MYLK3: variants seen among roughly 807,000 people sequenced by gnomAD.
The protein encoded by MYLK3 is MLC kinase.
Under a neutral mutation model 76.3 loss-of-function variants are expected in MYLK3, and 55 were observed. The ratio of observed to expected loss-of-function variants is 0.72; its 90% CI spans 0.58 to 0.90. The LOEUF (loss-of-function observed/expected upper bound fraction) is 0.90, where lower values mean the gene tolerates loss of function less well. Among genes scored for constraint, MYLK3 ranks in the 40% least tolerant of loss-of-function variants. The probability of loss-of-function intolerance (pLI) is 0.00; values close to 1 mark genes in which losing one functional copy is unlikely to be tolerated. For synonymous variants in MYLK3, 416 were observed against 425.4 expected (o/e 0.98, Z 0.27); for missense variants, 973 against 1,053.6 (o/e 0.92, Z 1.06).
chr16:46,724,260 T>C (rs192164366), intron 8 of MYLK3, among the ~76,000 whole-genome samples: 2 of 152,352 alleles, frequency 1.3e-5, no homozygotes, highest in East Asian at 3.9e-4. Context: ...GCTATTATTT[T>C]ACTTTTCTCA....
chr16:46,719,292 A>C (rs1044062751), intron 9 of MYLK3, among the ~76,000 whole-genome samples: 1 of 151,156 alleles, frequency 6.6e-6, no homozygotes. Context: ...GTGCCACTGC[A>C]CTCCAGCCTG....
intron 7 of MYLK3, among the ~76,000 whole-genome samples, 164 bp downstream of exon 7, chr16:46,728,860 G>A (rs570749022): frequency 6.6e-6 from 1 of 152,328 alleles, no homozygotes; most frequent in African/African-American, 2.4e-5. Flanking sequence ...TCCACATTCC[G>A]TATTGGAGGT....
chr16:46,721,265 G>GCT, intron 8 of MYLK3, 72 bp from the exon 9 acceptor site: 1 of 1,433,902 alleles, frequency 7.0e-7, no homozygotes, highest in Non-Finnish European at 9.8e-7. Context: ...CTTGTCTATA[G>GCT]GCCTCTGTTT....
At chr16:46,739,785 C>T (rs1348248519) in intron 2 of MYLK3, among the ~76,000 whole-genome samples, 3 of 152,138 alleles carry the variant, frequency 2.0e-5, no homozygotes, top group Non-Finnish European at 4.4e-5. Flanking sequence ...TTGGAAGATT[C>T]AAAAATTATA....
intron 1 of MYLK3, among the ~76,000 whole-genome samples, chr16:46,758,304 A>ACACACTCT (rs1567294867): frequency 2.3e-5 from 2 of 87,266 alleles, no homozygotes; most frequent in African/African-American, 9.4e-5. Context: ...ACACACACAC[A>ACACACTCT]CTCTCTCTCT....
At chr16:46,742,006 T>G (rs8046748) in intron 1 of MYLK3, among the ~76,000 whole-genome samples, 27,726 of 152,038 alleles carry the variant, frequency 0.18, 2,948 homozygotes, top group African/African-American at 0.28. Flanking sequence ...TTTTTCAATT[T>G]ATTCCCAACT....
At chr16:46,755,761 C>T (rs769354470) in intron 1 of MYLK3, among the ~76,000 whole-genome samples, 4 of 152,030 alleles carry the variant, frequency 2.6e-5, no homozygotes, top group Admixed American at 6.6e-5. Flanking sequence ...ATGGAGTGGT[C>T]GGGAGGTGCC....
chr16:46,747,692 C>A, intron 1 of MYLK3, 25 bp downstream of exon 1: 1 of 1,596,636 alleles, frequency 6.3e-7, no homozygotes, highest in Non-Finnish European at 8.6e-7. Flanking sequence ...TCCCATCCAG[C>A]CAGGGCAGGG....
rs748586528 is a variant in MYLK3 at position 46,727,395 on chromosome 16, G to A, written c.1773-18C>T. On this transcript the variant is annotated intron_variant, in intron 7 of 12. Transcript: ENST00000394809. ...CGTCCACGCTGCCAGAGCAAAGGGA[G>A]AGGCAGGCACCAGCCTAAGCAAGGC... 1.9e-6 allele frequency: 3 copies of A among 1,597,464 alleles called. No individual in the cohort carries two copies. Among genetic ancestry groups the A allele is most frequent in the Admixed American group, 1.7e-5 (1 of 59,634 alleles).
rs1270803345 is a variant in MYLK3 at position 46,737,707 on chromosome 16, T to C, written c.1001+4A>G. 6.3e-7 allele frequency: 1 copy of C among 1,590,538 alleles called. No individual in the cohort carries two copies. Among genetic ancestry groups the C allele is most frequent in the South Asian group, 1.1e-5 (1 of 89,716 alleles). On this transcript the variant is annotated splice_donor_region_variant and intron_variant, in intron 3 of 12. Coordinates refer to ENST00000394809, the MANE Select transcript of MYLK3 (RefSeq NM_182493.3). ...CTCACCCAGCCTGGAAGAGCTCCCC[T>C]TACCTTGGAGGTGTTTCTCCACCAC...
chr16:46,749,795 A>G (rs1239404036), upstream of MYLK3, among the ~76,000 whole-genome samples: 1 of 152,230 alleles, frequency 6.6e-6, no homozygotes, highest in Non-Finnish European at 1.5e-5. Flanking sequence ...CCATTAACCT[A>G]TCAATGCAGT....
At chr16:46,726,654 GAAGA>G (rs1966841049) in intron 8 of MYLK3, 2 of 42,102 alleles carry the variant, frequency 4.8e-5, no homozygotes, top group African/African-American at 6.1e-5. Flanking sequence ...AAGAAAGAAA[GAAGA>G]AAGAAAAAGA....
chr16:46,710,900 G>T, intron 10 of MYLK3, 111 bp from the exon 11 acceptor site: 1 of 1,305,552 alleles, frequency 7.7e-7, no homozygotes, highest in Non-Finnish European at 1.1e-6. Context: ...AACCAAGAGG[G>T]TTCAAAATAA....
chr16:46,740,315 G>A (rs575493111), intron 1 of MYLK3, among the ~76,000 whole-genome samples, 168 bp from the exon 2 acceptor site: 1 of 152,030 alleles, frequency 6.6e-6, no homozygotes, highest in Non-Finnish European at 1.5e-5. Context: ...ACTTTAGAGA[G>A]AAGGACACTG....
chr16:46,742,278 G>A (rs1382437077), intron 1 of MYLK3, among the ~76,000 whole-genome samples: 2 of 151,914 alleles, frequency 1.3e-5, no homozygotes, highest in Non-Finnish European at 2.9e-5. Context: ...TGAGGATGGC[G>A]GGGCGTGGTA....
intron 12 of MYLK3, among the ~76,000 whole-genome samples, chr16:46,708,093 C>A (rs1490200951): frequency 6.6e-6 from 1 of 151,478 alleles, no homozygotes; most frequent in Non-Finnish European, 1.5e-5. Flanking sequence ...GCAACCTCTA[C>A]CTCCTGGGCT....
intron 3 of MYLK3, among the ~76,000 whole-genome samples, chr16:46,735,140 CAA>C (rs879396850): frequency 3.8e-5 from 5 of 132,994 alleles, no homozygotes; most frequent in Non-Finnish European, 3.3e-5. Flanking sequence ...GACCCTGTCT[CAA>C]AAAAAAAAAA....
At chr16:46,711,736 A>T in intron 10 of MYLK3, 1 of 345,914 alleles carries the variant, frequency 2.9e-6, no homozygotes, top group South Asian at 2.2e-5. Flanking sequence ...TGCTTTACCC[A>T]CCCAGAAGTA....
chr16:46,749,587 T>C (rs1030497555), upstream of MYLK3, among the ~76,000 whole-genome samples: 2 of 151,976 alleles, frequency 1.3e-5, no homozygotes, highest in Non-Finnish European at 2.9e-5. Flanking sequence ...CGAGACCTGG[T>C]CTCTACAAAA....
Sources: gnomAD v4.1 joint callset for allele counts (sites outside exome capture counted in the v4.1 genomes callset) on GRCh38, gnomAD v4.1.1 for gene constraint, MANE v1.5 for transcripts, NCBI Gene and HGNC (gene_info 2026-07-23, HGNC 2026-07-21) for gene names.